RYR3: variants seen among roughly 807,000 people sequenced by gnomAD.
The protein encoded by RYR3 is ryanodine receptor 3, also known as brain ryanodine receptor-calcium release channel.
In RYR3, 207 loss-of-function variants were observed where a neutral mutation model predicts 584.3. The ratio of observed to expected loss-of-function variants is 0.35; its 90% CI spans 0.32 to 0.40. The LOEUF (loss-of-function observed/expected upper bound fraction) is 0.40, where lower values mean the gene tolerates loss of function less well. Ranked by LOEUF, RYR3 falls within the 10% of genes least tolerant of loss-of-function variation. The probability of loss-of-function intolerance (pLI) is 1.00; values close to 1 mark genes in which losing one functional copy is unlikely to be tolerated. For synonymous variants in RYR3, 2,416 were observed against 2,248.5 expected, an observed-to-expected ratio of 1.07 and a Z score of -2.11; for missense variants, 5,616 against 6,089.2, an observed-to-expected ratio of 0.92 and a Z score of 2.59.
intron 48 of RYR3, among the ~76,000 whole-genome samples, chr15:33,733,384 T>C (rs904783914): frequency 1.3e-5 from 2 of 152,200 alleles, no homozygotes; most frequent in African/African-American, 4.8e-5. Context: ...AAATAAACTG[T>C]GGTACATCAG....
intron 1 of RYR3, among the ~76,000 whole-genome samples, chr15:33,328,898 G>A (rs2670955): frequency 0.17 from 25,289 of 151,740 alleles, 2,575 homozygotes; most frequent in East Asian, 0.3. Flanking sequence ...CTTTTCCCTT[G>A]TTTTCAGATG....
chr15:33,814,050 G>A (rs190148150), intron 74 of RYR3, among the ~76,000 whole-genome samples: 10 of 152,344 alleles, frequency 6.6e-5, no homozygotes, highest in Admixed American at 5.2e-4. Flanking sequence ...TGTACTAGCT[G>A]TCAAAATATA....
intron 3 of RYR3, among the ~76,000 whole-genome samples, chr15:33,515,039 A>G (rs2053391479): frequency 6.6e-6 from 1 of 152,192 alleles, no homozygotes; most frequent in Non-Finnish European, 1.5e-5. Context: ...AAACAATTTT[A>G]TAGTTGATAC....
At chr15:33,336,964 A>G (rs1971174693) in intron 1 of RYR3, among the ~76,000 whole-genome samples, 1 of 141,256 alleles carries the variant, frequency 7.1e-6, no homozygotes, top group East Asian at 2.2e-4. Flanking sequence ...AGGCTGAGGG[A>G]GGAGAATGGC....
At chr15:33,748,766 A>G (rs74005986) in intron 55 of RYR3, among the ~76,000 whole-genome samples, 10,194 of 152,172 alleles carry the variant, frequency 0.067, 975 homozygotes, top group African/African-American at 0.22. Context: ...CTGACTCAGT[A>G]GGAAGCACCA....
At chr15:33,752,214 C>A (rs139091609) in intron 57 of RYR3, among the ~76,000 whole-genome samples, 23,511 of 152,140 alleles carry the variant, frequency 0.15, 2,074 homozygotes, top group South Asian at 0.26. Context: ...GCTATGCGGG[C>A]TCTTTTTTTG....
At chr15:33,741,710 T>C (rs1177130291) in intron 51 of RYR3, among the ~76,000 whole-genome samples, 1 of 152,106 alleles carries the variant, frequency 6.6e-6, no homozygotes, top group East Asian at 1.9e-4. Flanking sequence ...ACCTCCTGGG[T>C]TCACGTCATT....
intron 81 of RYR3, among the ~76,000 whole-genome samples, chr15:33,824,130 C>T (rs964750990): frequency 6.6e-6 from 1 of 152,032 alleles, no homozygotes; most frequent in Non-Finnish European, 1.5e-5. Context: ...TCAGAGATGG[C>T]AAAAATCAAG....
chr15:33,667,272 A>G (rs2063539012), intron 36 of RYR3, among the ~76,000 whole-genome samples: 1 of 152,204 alleles, frequency 6.6e-6, no homozygotes, highest in Admixed American at 6.5e-5. Flanking sequence ...ACCTCTGGTT[A>G]TTTCTTCTGT....
intron 93 of RYR3, 127 bp downstream of exon 93, chr15:33,845,189 C>G: frequency 1.2e-6 from 1 of 819,124 alleles, no homozygotes. Flanking sequence ...CGTAGAGCAG[C>G]AGCAGCACAT....
intron 19 of RYR3, among the ~76,000 whole-genome samples, chr15:33,623,365 G>GA (rs2060822289): frequency 6.6e-6 from 1 of 152,136 alleles, no homozygotes; most frequent in Non-Finnish European, 1.5e-5. Context: ...TCTCCATATA[G>GA]TTACGTCATG....
At chr15:33,634,055 T>A (rs1041664533) in intron 24 of RYR3, among the ~76,000 whole-genome samples, 1 of 152,110 alleles carries the variant, frequency 6.6e-6, no homozygotes, top group Non-Finnish European at 1.5e-5. Context: ...TTTTGTTTTG[T>A]TTTGTTTTTT....
intron 67 of RYR3, among the ~76,000 whole-genome samples, chr15:33,791,623 A>G (rs1045222485): frequency 1.3e-5 from 2 of 152,174 alleles, no homozygotes; most frequent in Non-Finnish European, 2.9e-5. Flanking sequence ...ATCTCTGGTC[A>G]TGAATTTACA....
At position 33,613,340 on chromosome 15, in the gene RYR3, C is replaced by T. The variant is rs1294629205; in HGVS notation, c.2322C>T (p.Leu774=). ...GMFENFNTDG[L]FFPVMSFSAG... ...TTGAGAACTTCAACACAGACGGGCT[C>T]TTCTTCCCTGTGATGAGCTTTTCAG... is the stretch of plus-strand genomic sequence containing the variant. Residue 774 remains leucine, a synonymous_variant, in exon 19 of 104, where the codon CTC becomes CTT. Transcript: ENST00000634891. 6.2e-7 allele frequency: 1 copy of T among 1,612,166 alleles called. No homozygotes were observed. Among genetic ancestry groups the T allele is most frequent in the African/African-American group, 1.3e-5 (1 of 74,912 alleles).
intron 60 of RYR3, among the ~76,000 whole-genome samples, chr15:33,758,647 C>T (rs1017670461): frequency 2.6e-5 from 4 of 152,180 alleles, no homozygotes; most frequent in South Asian, 2.1e-4. Context: ...AGCCCCAATC[C>T]GGATTGTAGA....
chr15:33,635,500 G>A (rs2061455449), intron 25 of RYR3, 114 bp from the exon 26 acceptor site: 1 of 745,710 alleles, frequency 1.3e-6, no homozygotes, highest in Non-Finnish European at 2.3e-6. Flanking sequence ...GTCGACCTAT[G>A]GTCAGTCTTA....
At chr15:33,777,486 C>T (rs974328805) in intron 64 of RYR3, among the ~76,000 whole-genome samples, 1 of 150,472 alleles carries the variant, frequency 6.6e-6, no homozygotes. Context: ...TTTTTTTTTT[C>T]CCCTGGGTTT....
intron 2 of RYR3, among the ~76,000 whole-genome samples, chr15:33,488,990 A>G (rs1003082019): frequency 7.9e-5 from 12 of 152,210 alleles, no homozygotes; most frequent in Non-Finnish European, 1.5e-4. Context: ...AGTTATGTGC[A>G]TGCTCATAAT....
intron 1 of RYR3, among the ~76,000 whole-genome samples, chr15:33,367,954 C>T (rs538574976): frequency 2.6e-5 from 4 of 152,194 alleles, no homozygotes; most frequent in Admixed American, 6.5e-5. Context: ...CATTAATCTT[C>T]GTCTTGCTTC....
Sources: gnomAD v4.1 joint callset for allele counts (sites outside exome capture counted in the v4.1 genomes callset) on GRCh38, gnomAD v4.1.1 for gene constraint, MANE v1.5 for transcripts, NCBI Gene and HGNC (gene_info 2026-07-23, HGNC 2026-07-21) for gene names.